The following CHN2 variants were observed in gnomAD, a reference collection of about 807,000 sequenced individuals.
The protein encoded by CHN2 is beta-chimaerin.
In CHN2, 35 loss-of-function variants were observed where a neutral mutation model predicts 56.3. That is an observed-to-expected ratio of 0.62 (90% CI 0.47 to 0.82). The LOEUF (loss-of-function observed/expected upper bound fraction) is 0.82, where lower values mean the gene tolerates loss of function less well. Ranked by LOEUF, CHN2 falls within the 40% of genes least tolerant of loss-of-function variation. The pLI, the probability that CHN2 is intolerant of heterozygous loss-of-function variation, is 0.00. For synonymous variants in CHN2, 210 were observed against 212.8 expected, an observed-to-expected ratio of 0.99 and a Z score of 0.12; for missense variants, 491 against 580.5, an observed-to-expected ratio of 0.85 and a Z score of 1.58.
At chr7:29,263,017 C>G (rs1250555800) in intron 1 of CHN2, among the ~76,000 whole-genome samples, 2 of 152,206 alleles carry the variant, frequency 1.3e-5, no homozygotes, top group Non-Finnish European at 2.9e-5. Flanking sequence ...CCCCTCTCCC[C>G]TCTCCCCCTC....
intron 3 of CHN2, among the ~76,000 whole-genome samples, chr7:29,390,644 A>G (rs749386064): frequency 5.9e-5 from 9 of 152,190 alleles, no homozygotes; most frequent in South Asian, 2.1e-4. Context: ...CTTCACACCT[A>G]CTGAAGAGAA....
intron 6 of CHN2, among the ~76,000 whole-genome samples, chr7:29,463,915 G>A (rs952268185): frequency 4.6e-5 from 7 of 152,156 alleles, no homozygotes; most frequent in Non-Finnish European, 1.0e-4. Context: ...TTATGCCATC[G>A]GGTGTGGCCA....
chr7:29,232,133 T>C (rs1385328066), intron 1 of CHN2, among the ~76,000 whole-genome samples: 3 of 152,186 alleles, frequency 2.0e-5, no homozygotes, highest in Admixed American at 6.5e-5. Context: ...AATTCCTCTT[T>C]GGATTTGTAA....
At chr7:29,434,956 G>C (rs1010768229) in intron 6 of CHN2, among the ~76,000 whole-genome samples, 1 of 151,998 alleles carries the variant, frequency 6.6e-6, no homozygotes, top group Non-Finnish European at 1.5e-5. Context: ...AGCCAGACAT[G>C]GTGGCATGCA....
intron 2 of CHN2, among the ~76,000 whole-genome samples, chr7:29,171,809 A>C (rs1040654698): frequency 7.2e-5 from 11 of 152,170 alleles, no homozygotes; most frequent in Non-Finnish European, 1.6e-4. Context: ...TGAATCCATC[A>C]CTTTTTAAGA....
intron 1 of CHN2, among the ~76,000 whole-genome samples, chr7:29,317,381 T>G (rs1221185828): frequency 6.6e-6 from 1 of 152,178 alleles, no homozygotes; most frequent in Admixed American, 6.5e-5. Flanking sequence ...TCTTTGTGTT[T>G]AGGCACTTTG....
intron 6 of CHN2, among the ~76,000 whole-genome samples, chr7:29,443,001 C>T (rs921153536): frequency 7.9e-5 from 11 of 139,262 alleles, no homozygotes; most frequent in African/African-American, 3.2e-4. Flanking sequence ...ACTGCAGTGG[C>T]GCAATCTCGG....
At chr7:29,201,506 A>C (rs1158532040) in intron 1 of CHN2, among the ~76,000 whole-genome samples, 1 of 152,096 alleles carries the variant, frequency 6.6e-6, no homozygotes, top group Non-Finnish European at 1.5e-5. Context: ...TTTATATTTT[A>C]AATGGGCCTC....
At chr7:29,367,591 C>T (rs920461889) in intron 2 of CHN2, among the ~76,000 whole-genome samples, 1 of 152,122 alleles carries the variant, frequency 6.6e-6, no homozygotes, top group African/African-American at 2.4e-5. Context: ...TACTCAGGTA[C>T]TCACAAGTAG....
chr7:29,461,684 T>C (rs891272801), intron 6 of CHN2, among the ~76,000 whole-genome samples: 2 of 152,224 alleles, frequency 1.3e-5, no homozygotes, highest in African/African-American at 4.8e-5. Context: ...TGAACTACCT[T>C]AAATGAGAAC....
At chr7:29,323,214 T>G (rs1294076513) in intron 1 of CHN2, among the ~76,000 whole-genome samples, 3 of 148,182 alleles carry the variant, frequency 2.0e-5, no homozygotes, top group African/African-American at 7.4e-5. Context: ...GTTCTCTTTC[T>G]CTGCAGCCTT....
chr7:29,233,896 G>T (rs245947), intron 1 of CHN2, among the ~76,000 whole-genome samples: 4 of 131,728 alleles, frequency 3.0e-5, no homozygotes, highest in Non-Finnish European at 1.6e-5. Context: ...TGCAGTGGCG[G>T]GATCTCGGCT....
At chr7:29,248,371 C>G (rs1338034484) in intron 1 of CHN2, among the ~76,000 whole-genome samples, 2 of 152,204 alleles carry the variant, frequency 1.3e-5, no homozygotes, top group Non-Finnish European at 2.9e-5. Context: ...AGTCTTCCTC[C>G]AGCTCATTAA....
intron 1 of CHN2, among the ~76,000 whole-genome samples, chr7:29,315,764 G>C (rs1794912325): frequency 6.6e-6 from 1 of 152,140 alleles, no homozygotes; most frequent in Non-Finnish European, 1.5e-5. Flanking sequence ...AAGAAAAAAA[G>C]TTATTTGTCC....
intron 1 of CHN2, among the ~76,000 whole-genome samples, chr7:29,353,886 C>G (rs1391962439): frequency 2.6e-5 from 4 of 152,206 alleles, no homozygotes; most frequent in African/African-American, 9.6e-5. Flanking sequence ...CAGGACGACT[C>G]TAATAACTGC....
At chr7:29,225,145 T>C (rs1249195472) in intron 1 of CHN2, among the ~76,000 whole-genome samples, 3 of 152,236 alleles carry the variant, frequency 2.0e-5, no homozygotes, top group Admixed American at 6.5e-5. Flanking sequence ...AAACTCCTTA[T>C]AGATTTAAAA....
At chr7:29,475,288 C>T (rs1474149697) in intron 6 of CHN2, among the ~76,000 whole-genome samples, 1 of 152,138 alleles carries the variant, frequency 6.6e-6, no homozygotes, top group African/African-American at 2.4e-5. Flanking sequence ...ATTTATAGCC[C>T]CACCTACTTC....
intron 1 of CHN2, among the ~76,000 whole-genome samples, chr7:29,339,695 A>G (rs1005478402): frequency 1.3e-5 from 2 of 152,086 alleles, no homozygotes; most frequent in African/African-American, 2.4e-5. Flanking sequence ...TCTACTAACA[A>G]TACAAAAATC....
intron 1 of CHN2, among the ~76,000 whole-genome samples, chr7:29,331,493 G>A (rs988578640): frequency 2.0e-5 from 3 of 152,088 alleles, no homozygotes; most frequent in African/African-American, 4.8e-5. Context: ...CAGTACCTCC[G>A]GCATTTCTCC....
Sources: allele counts gnomAD v4.1 joint callset (sites outside exome capture counted in the v4.1 genomes callset), GRCh38; gene constraint gnomAD v4.1.1; transcripts MANE v1.5; gene names NCBI Gene and HGNC (gene_info 2026-07-23, HGNC 2026-07-21).